TRIM33: variants seen among roughly 807,000 people sequenced by gnomAD.
The protein encoded by TRIM33 is E3 ubiquitin-protein ligase TRIM33.
In TRIM33, 20 loss-of-function variants were observed where a neutral mutation model predicts 125.4. The observed-to-expected ratio is 0.16, with a 90% CI of 0.11 to 0.23. The LOEUF (loss-of-function observed/expected upper bound fraction) is 0.23, where lower values mean the gene tolerates loss of function less well. Ranked by LOEUF, TRIM33 falls within the 10% of genes least tolerant of loss-of-function variation. The pLI is 1.00. For missense variants in TRIM33, 920 were observed against 1,411.4 expected (o/e 0.65, Z 5.58); for synonymous variants, 564 against 513.9 (o/e 1.10, Z -1.32).
At chr1:114,486,546 C>CAAAAAAAAAAAAAAAAAAAAAACAA in intron 1 of TRIM33, among the ~76,000 whole-genome samples, 1 of 65,270 alleles carries the variant, frequency 1.5e-5, no homozygotes, top group Non-Finnish European at 3.1e-5. Context: ...GACCCTATCT[C>CAAAAAAAAAAAAAAAAAAAAAACAA]AAAAAAAAAA....
intron 15 of TRIM33, among the ~76,000 whole-genome samples, chr1:114,403,556 G>A (rs977961984): frequency 1.3e-5 from 2 of 151,770 alleles, no homozygotes; most frequent in Non-Finnish European, 2.9e-5. Context: ...TTTTTTTTGA[G>A]ACACAGTTTC....
chr1:114,475,599 C>T (rs545606105), intron 1 of TRIM33, among the ~76,000 whole-genome samples: 2 of 152,144 alleles, frequency 1.3e-5, no homozygotes, highest in East Asian at 1.9e-4. Context: ...AGGATAATGG[C>T]GTGAACCTGG....
At chr1:114,420,088 C>T (rs1653184721) in intron 11 of TRIM33, among the ~76,000 whole-genome samples, 1 of 152,188 alleles carries the variant, frequency 6.6e-6, no homozygotes, top group South Asian at 2.1e-4. Flanking sequence ...ATGCATAAAA[C>T]TAAATTCAGT....
chr1:114,427,043 T>C (rs58747000), intron 8 of TRIM33, 134 bp downstream of exon 8: 28,594 of 503,962 alleles, frequency 0.057, 974 homozygotes, highest in African/African-American at 0.085. Context: ...TTCCAATGAA[T>C]AACAACATAT....
intron 4 of TRIM33, among the ~76,000 whole-genome samples, chr1:114,454,644 G>A (rs553888370): frequency 6.8e-6 from 1 of 147,690 alleles, no homozygotes; most frequent in East Asian, 2.0e-4. Context: ...CACTGCACTC[G>A]AAGCCTGGGC....
chr1:114,483,458 C>T (rs1308623710), intron 1 of TRIM33, among the ~76,000 whole-genome samples: 1 of 151,600 alleles, frequency 6.6e-6, no homozygotes, highest in Non-Finnish European at 1.5e-5. Context: ...TGTCTGTGGC[C>T]CAGGCTGGAG....
At chr1:114,477,752 C>T (rs973760367) in intron 1 of TRIM33, among the ~76,000 whole-genome samples, 3 of 152,212 alleles carry the variant, frequency 2.0e-5, no homozygotes, top group Non-Finnish European at 4.4e-5. Context: ...ACACTGGCCA[C>T]TGAGCACTTG....
At chr1:114,403,766 T>A (rs1312523997) in intron 15 of TRIM33, among the ~76,000 whole-genome samples, 1 of 152,210 alleles carries the variant, frequency 6.6e-6, no homozygotes, top group Non-Finnish European at 1.5e-5. Flanking sequence ...CCTCAGGTGA[T>A]CTGCCTACCT....
intron 1 of TRIM33, among the ~76,000 whole-genome samples, chr1:114,509,272 C>T (rs1252088732): frequency 2.0e-5 from 3 of 152,226 alleles, no homozygotes; most frequent in Non-Finnish European, 4.4e-5. Flanking sequence ...CAATCGCTTA[C>T]CTACAGTCCC....
chr1:114,395,702 A>AT lies in TRIM33; in HGVS notation c.*1945dup, dbSNP rs1266269062. ...TAAAAAACATTTTTAGGAATTTAAA[A>AT]TTTGAGTAAAATGTTTCAACAGTTT... On this transcript the variant is annotated 3_prime_UTR_variant, in exon 20 of 20. Transcript: ENST00000358465. 20 of 192,060 alleles carry AT rather than the reference A, an allele frequency of 1.0e-4. No individual in the cohort carries two copies. The East Asian group carries it at 1.6e-3, about 16-fold the overall frequency. 11.9% of individuals were successfully genotyped at this position (192,060 alleles called of 1,614,324 possible).
intron 1 of TRIM33, among the ~76,000 whole-genome samples, chr1:114,479,815 GT>G (rs1167260355): frequency 2.0e-5 from 3 of 152,126 alleles, no homozygotes; most frequent in African/African-American, 7.2e-5. Context: ...CAGCAGGGAG[GT>G]GGGGGGCAGC....
chr1:114,460,565 CCCG>C (rs1455104219), intron 4 of TRIM33, among the ~76,000 whole-genome samples: 2 of 147,364 alleles, frequency 1.4e-5, no homozygotes, highest in Admixed American at 7.0e-5. Context: ...TTTAACACCC[CCCG>C]CCACCTTTTT....
intron 4 of TRIM33, among the ~76,000 whole-genome samples, chr1:114,439,690 A>C (rs1486584989): frequency 1.3e-5 from 2 of 152,068 alleles, no homozygotes; most frequent in Admixed American, 1.3e-4. Flanking sequence ...TAGCTCTAAG[A>C]AGCTCAACAT....
chr1:114,476,845 T>TA (rs75575864), intron 1 of TRIM33, among the ~76,000 whole-genome samples: 95 of 151,990 alleles, frequency 6.3e-4, no homozygotes, highest in African/African-American at 2.1e-3. Flanking sequence ...GTTGCCATTT[T>TA]AAAAAAAATA....
rs572880487 is a variant in TRIM33, at chr1:114,466,000, G to A, written c.527-1612C>T. On this transcript the variant is annotated intron_variant, in intron 1 of 19. Coordinates refer to ENST00000358465, the MANE Select transcript of TRIM33 (RefSeq NM_015906.4). ...GGGGGTTGCAGTGAGCTGAGATCGC[G>A]CCACTGCACTCCAGCTTGGGCGACA... Among the ~76,000 whole-genome samples the A allele has an allele frequency of 2.2e-4, 34 of 151,572 alleles. No homozygotes were observed. In the South Asian group the frequency reaches 2.9e-3, roughly 13 times the overall value.
At chr1:114,474,047 C>T (rs1175519737) in intron 1 of TRIM33, among the ~76,000 whole-genome samples, 1 of 151,922 alleles carries the variant, frequency 6.6e-6, no homozygotes, top group Non-Finnish European at 1.5e-5. Flanking sequence ...TACGGGCATA[C>T]ACCATCACAC....
chr1:114,423,374 A>T (rs1393312113), intron 10 of TRIM33, among the ~76,000 whole-genome samples: 1 of 152,170 alleles, frequency 6.6e-6, no homozygotes, highest in Non-Finnish European at 1.5e-5. Context: ...TTCAAGTCCA[A>T]GGAGAGCTTG....
intron 5 of TRIM33, 26 bp downstream of exon 5, chr1:114,433,591 T>C: frequency 7.3e-7 from 1 of 1,363,030 alleles, no homozygotes; most frequent in Non-Finnish European, 1.0e-6. Context: ...ATTCTTAAAA[T>C]TATGGTTTTA....
At chr1:114,443,659 T>C (rs978199976) in intron 4 of TRIM33, among the ~76,000 whole-genome samples, 2 of 152,200 alleles carry the variant, frequency 1.3e-5, no homozygotes, top group African/African-American at 4.8e-5. Context: ...AAGTAGCCAC[T>C]CTCTCTTAAA....
Sources: gnomAD v4.1 joint callset for allele counts (sites outside exome capture counted in the v4.1 genomes callset) on GRCh38, gnomAD v4.1.1 for gene constraint, MANE v1.5 for transcripts, NCBI Gene and HGNC (gene_info 2026-07-23, HGNC 2026-07-21) for gene names.